The following ENOSF1 variants were observed in gnomAD, a reference collection of about 807,000 sequenced individuals.
ENOSF1 encodes enolase superfamily member 1.
A neutral mutation model predicts 68.2 loss-of-function variants in ENOSF1; 73 were observed. That is an observed-to-expected ratio of 1.07 (90% CI 0.89 to 1.30). ENOSF1 has a LOEUF of 1.30. ENOSF1 is among the 50% of genes most tolerant of loss of function. The pLI, the probability that ENOSF1 is intolerant of heterozygous loss-of-function variation, is 0.00. For missense variants in ENOSF1, 589 were observed against 554.5 expected (o/e 1.06, Z -0.62); for synonymous variants, 223 against 210.4 (o/e 1.06, Z -0.52).
In ENOSF1 at chr18:673,703, G is replaced by T; in HGVS notation, c.*602C>A. The T allele has an allele frequency of 6.9e-6, 1 of 145,596 alleles. No individual in the cohort carries two copies. The highest frequency in any genetic ancestry group is 1.8e-4 in the East Asian group (1 of 5,474). 9.0% of individuals were successfully genotyped at this position (145,596 alleles called of 1,614,324 possible). A position where few individuals can be genotyped will look rare whatever the true frequency, so the allele number is the denominator to read the frequency against. Reference sequence around the variant, plus strand: ...ATCCTCAAAATATAATGACCATTTAGGATAGAGTTTTTTTTTTTTTTTTTT... The same window carrying T: ...ATCCTCAAAATATAATGACCATTTATGATAGAGTTTTTTTTTTTTTTTTTT... On this transcript the variant is annotated 3_prime_UTR_variant, in exon 16 of 16. Transcript: ENST00000647584.
chr18:694,443 C>A, intron 3 of ENOSF1, 109 bp from the exon 4 acceptor site: 3 of 953,232 alleles, frequency 3.1e-6, no homozygotes, highest in South Asian at 3.1e-5. Context: ...CCAGCCTGGC[C>A]AACATGGTGA....
chr18:670,878 T>A lies in ENOSF1; in HGVS notation c.*3427A>T. ...ATCACGGGCCTGAAGGTGGGCTGTC[T>A]CGGGAAGGGTGACTTGCCAGCCTAC... is the stretch of plus-strand genomic sequence containing the variant. On this transcript the variant is annotated 3_prime_UTR_variant, in exon 16 of 16. Coordinates refer to ENST00000647584, the MANE Select transcript of ENOSF1 (RefSeq NM_017512.7). The A allele has an allele frequency of 6.2e-7, 1 of 1,613,490 alleles. No homozygotes were observed. Among genetic ancestry groups the A allele is most frequent in the Non-Finnish European group, 8.5e-7 (1 of 1,179,608 alleles).
Position 694,303 on chromosome 18 carries a change from G to A in ENOSF1, c.341C>T (p.Ala114Val), listed in dbSNP as rs150777254. The A allele has an allele frequency of 1.9e-3, 3,114 of 1,614,106 alleles. 8 individuals carry two copies. The highest frequency in any genetic ancestry group is 2.3e-3 in the Non-Finnish European group (2,706 of 1,180,028). ...IGPEKGVVHL[A>V]TAAVLNAVWD... is the part of the protein sequence containing the mutation. ...CACCGCGTTTAGGACGGCCGCTGTC[G>A]CCAGGTGCACCACGCCCTTTTCTGG... Residue 114 changes from alanine (A) to valine (V), a missense_variant, in exon 4 of 16, where the codon GCG becomes GTG. Physicochemically the swap from Ala to Val is moderately conservative, Grantham distance 64 (BLOSUM62 0). Transcript: ENST00000647584.
At chr18:674,524 T>C in intron 15 of ENOSF1, 118 bp from the exon 16 acceptor site, 1 of 348,206 alleles carries the variant, frequency 2.9e-6, no homozygotes, top group Non-Finnish European at 5.1e-6. Context: ...AATTAATTAA[T>C]TTTTTTTTTT....
intron 5 of ENOSF1, 73 bp from the exon 6 acceptor site, chr18:691,349 A>T: frequency 7.7e-7 from 1 of 1,299,308 alleles, no homozygotes; most frequent in Non-Finnish European, 1.1e-6. Context: ...TTTAAAATTT[A>T]TTATTCTTTT....
Position 672,964 on chromosome 18 carries a change from G to C in ENOSF1, c.*1341C>G. On this transcript the variant is annotated 3_prime_UTR_variant, in exon 16 of 16. Coordinates refer to ENST00000647584, the MANE Select transcript of ENOSF1 (RefSeq NM_017512.7). ...ACTTTCAGATTGAAGGGTACAATCC[G>C]CATCCAACTATTAAAATGGAAATGG... The C allele has an allele frequency of 6.4e-7, 1 of 1,574,482 alleles. No individual in the cohort carries two copies. Among genetic ancestry groups the C allele is most frequent in the South Asian group, 1.2e-5 (1 of 86,690 alleles).
intron 9 of ENOSF1, chr18:686,310 G>A: frequency 6.3e-6 from 2 of 316,756 alleles, no homozygotes; most frequent in African/African-American, 2.1e-5. Context: ...AAGGAATTAA[G>A]AACAAAAAAG....
intron 11 of ENOSF1, among the ~76,000 whole-genome samples, chr18:681,465 C>T (rs2076068259): frequency 6.6e-6 from 1 of 152,222 alleles, no homozygotes; most frequent in Admixed American, 6.5e-5. Flanking sequence ...GGCCAGCTGG[C>T]ATTCAGCAGG....
At chr18:703,285 G>A (rs1037133329) in intron 2 of ENOSF1, among the ~76,000 whole-genome samples, 5 of 152,118 alleles carry the variant, frequency 3.3e-5, no homozygotes, top group Non-Finnish European at 7.4e-5. Context: ...CATCCCAGAA[G>A]GGCTTCTTAT....
intron 10 of ENOSF1, among the ~76,000 whole-genome samples, chr18:685,326 A>G (rs975402245): frequency 2.0e-5 from 3 of 151,914 alleles, no homozygotes; most frequent in African/African-American, 4.8e-5. Flanking sequence ...AATTTTTATC[A>G]TAAGTTATTT....
chr18:667,598 T>TGGAGATG (rs1373026175), downstream of ENOSF1: 5 of 104,046 alleles, frequency 4.8e-5, no homozygotes, highest in Admixed American at 1.7e-4. Context: ...GTGATGGTGA[T>TGGAGATG]GGTGATGGTG....
At chr18:709,322 A>G (rs936927103) in intron 1 of ENOSF1, among the ~76,000 whole-genome samples, 1 of 152,144 alleles carries the variant, frequency 6.6e-6, no homozygotes, top group Admixed American at 6.6e-5. Flanking sequence ...GTGGAGGAAG[A>G]AGGAGCTGTC....
chr18:701,813 G>A (rs571751105), intron 2 of ENOSF1, among the ~76,000 whole-genome samples: 5 of 151,554 alleles, frequency 3.3e-5, no homozygotes, highest in African/African-American at 7.3e-5. Context: ...CCAGCTACTC[G>A]GGAGGCTGAG....
downstream of ENOSF1, among the ~76,000 whole-genome samples, chr18:666,933 T>C (rs62090121): frequency 0.01 from 484 of 47,748 alleles, 43 homozygotes; most frequent in African/African-American, 0.032. Flanking sequence ...ATGGTGATGG[T>C]GATGGAGATG....
chr18:692,751 A>C lies in ENOSF1; in HGVS notation c.423+1131T>G, dbSNP rs1598686896. On this transcript the variant is annotated intron_variant, in intron 5 of 15. Transcript: ENST00000647584. The stretch of plus-strand genomic sequence containing the variant: ...TTCCCTTTTGGTGGCTACCTCCTCC[A>C]TCCCCGTAAAACGCCAACCTTGAAT... 3.0e-6 allele frequency: 3 copies of C among 995,792 alleles called. No homozygotes were observed. The East Asian group carries it at 3.2e-4, about 106-fold the overall frequency. 61.7% of individuals were successfully genotyped at this position (995,792 alleles called of 1,614,324 possible).
At chr18:678,484 C>A in intron 12 of ENOSF1, 1 of 555,518 alleles carries the variant, frequency 1.8e-6, no homozygotes, top group Non-Finnish European at 3.2e-6. Flanking sequence ...AGATACCCGA[C>A]CTTAGTCATA....
At chr18:700,846 C>T (rs562678352) in intron 2 of ENOSF1, among the ~76,000 whole-genome samples, 14 of 140,676 alleles carry the variant, frequency 1.0e-4, no homozygotes, top group African/African-American at 3.5e-4. Flanking sequence ...GCCAAGATCA[C>T]GCCATCGCAC....
intron 2 of ENOSF1, among the ~76,000 whole-genome samples, chr18:701,581 CCCATCTCTACTAAA>C (rs909718621): frequency 6.6e-6 from 1 of 151,844 alleles, no homozygotes; most frequent in African/African-American, 2.4e-5. Flanking sequence ...ATGGTGAAAC[CCCATCTCTACTAAA>C]AATAAAAAAA....
At chr18:697,500 C>G (rs763510638) in intron 2 of ENOSF1, 145 bp from the exon 3 acceptor site, 2 of 633,096 alleles carry the variant, frequency 3.2e-6, no homozygotes, top group Non-Finnish European at 5.4e-6. Context: ...CCTGTAATCT[C>G]AACACTTTGG....
Sources: allele counts gnomAD v4.1 joint callset (sites outside exome capture counted in the v4.1 genomes callset), GRCh38; gene constraint gnomAD v4.1.1; transcripts MANE v1.5; gene names NCBI Gene and HGNC (gene_info 2026-07-23, HGNC 2026-07-21).